The following CACNA2D3 variants were observed in gnomAD, a reference collection of about 807,000 sequenced individuals.
CACNA2D3 encodes voltage-dependent calcium channel subunit alpha-2/delta-3.
A neutral mutation model predicts 160.6 loss-of-function variants in CACNA2D3; 60 were observed. The observed-to-expected ratio is 0.37, with a 90% CI of 0.30 to 0.46. The LOEUF is 0.46. Ranked by LOEUF, CACNA2D3 falls within the 20% of genes least tolerant of loss-of-function variation. CACNA2D3 has a pLI of 1.00. For synonymous variants in CACNA2D3, 558 were observed against 492.9 expected, an observed-to-expected ratio of 1.13 and a Z score of -1.75; for missense variants, 1,205 against 1,365.0, an observed-to-expected ratio of 0.88 and a Z score of 1.85.
chr3:55,035,293 C>T (rs1703788940), intron 35 of CACNA2D3, among the ~76,000 whole-genome samples: 1 of 152,068 alleles, frequency 6.6e-6, no homozygotes, highest in African/African-American at 2.4e-5. Context: ...AGCAGGGTGC[C>T]GAGTTAATTA....
rs181442119 is a variant in CACNA2D3 at position 54,516,058 on chromosome 3, G to A, written c.544+12404G>A. ...ACATCCTGGAGCCTGACATGCATCA[G>A]GGACATGTGTCATTGGGGGTTTGGG... On this transcript the variant is annotated intron_variant, in intron 5 of 37. Coordinates refer to ENST00000474759, the MANE Select transcript of CACNA2D3 (RefSeq NM_018398.3). Among the ~76,000 whole-genome samples the A allele has an allele frequency of 1.2e-4, 19 of 152,332 alleles. 1 individual carries two copies. In the East Asian group the frequency reaches 3.7e-3, roughly 29 times the overall value.
intron 2 of CACNA2D3, among the ~76,000 whole-genome samples, chr3:54,143,073 C>G (rs941329174): frequency 3.3e-5 from 5 of 152,182 alleles, no homozygotes; most frequent in Non-Finnish European, 7.3e-5. Context: ...GAATTTGTTC[C>G]CATCACAGGA....
At chr3:54,901,176 G>A (rs1256081441) in intron 27 of CACNA2D3, 3 of 152,212 alleles carry the variant, frequency 2.0e-5, no homozygotes, top group Non-Finnish European at 4.4e-5. Flanking sequence ...CTGGTCCAGC[G>A]AGCTAATTCT....
At chr3:54,945,775 G>T (rs1304190676) in intron 27 of CACNA2D3, among the ~76,000 whole-genome samples, 3 of 152,168 alleles carry the variant, frequency 2.0e-5, no homozygotes, top group Non-Finnish European at 2.9e-5. Flanking sequence ...CTGGGCCATT[G>T]TATGTTGGGA....
chr3:54,529,701 A>G (rs1035944871), intron 5 of CACNA2D3, among the ~76,000 whole-genome samples: 1 of 152,086 alleles, frequency 6.6e-6, no homozygotes, highest in African/African-American at 2.4e-5. Flanking sequence ...TGAATTTGGT[A>G]AATTTTGAGC....
intron 5 of CACNA2D3, among the ~76,000 whole-genome samples, chr3:54,525,781 CT>C (rs961251165): frequency 1.5e-4 from 22 of 147,202 alleles, no homozygotes; most frequent in Admixed American, 3.4e-4. Flanking sequence ...TGGCCTTCAG[CT>C]TTTTTTTTTC....
chr3:54,839,186 A>C (rs371586447), intron 16 of CACNA2D3, among the ~76,000 whole-genome samples: 22 of 152,246 alleles, frequency 1.4e-4, no homozygotes, highest in African/African-American at 5.1e-4. Context: ...TGAACCTAGG[A>C]GGCGGAGCTT....
chr3:55,054,218 G>A (rs891441504), intron 35 of CACNA2D3, among the ~76,000 whole-genome samples: 9 of 151,742 alleles, frequency 5.9e-5, no homozygotes, highest in African/African-American at 2.2e-4. Flanking sequence ...TATTTCTTCA[G>A]TGTATTTTTT....
At chr3:54,738,818 A>G (rs1459538351) in intron 11 of CACNA2D3, among the ~76,000 whole-genome samples, 1 of 152,182 alleles carries the variant, frequency 6.6e-6, no homozygotes, top group Non-Finnish European at 1.5e-5. Context: ...CACTTATTGT[A>G]TGACCAGTAC....
intron 2 of CACNA2D3, among the ~76,000 whole-genome samples, chr3:54,174,556 G>A (rs1392910958): frequency 1.3e-5 from 2 of 151,214 alleles, no homozygotes; most frequent in Non-Finnish European, 2.9e-5. Context: ...ACAGAATCTC[G>A]CTCTGTCGCC....
At chr3:54,807,705 T>G (rs28854776) in intron 13 of CACNA2D3, among the ~76,000 whole-genome samples, 2,839 of 151,546 alleles carry the variant, frequency 0.019, 91 homozygotes, top group African/African-American at 0.065. Flanking sequence ...CCATTACTGG[T>G]TATATACCCA....
chr3:54,251,493 A>G (rs887866263), intron 2 of CACNA2D3, among the ~76,000 whole-genome samples: 1 of 152,190 alleles, frequency 6.6e-6, no homozygotes, highest in Non-Finnish European at 1.5e-5. Context: ...TGGAAACATT[A>G]TTACTCTCAT....
chr3:54,220,927 C>T (rs1478252326), intron 2 of CACNA2D3, among the ~76,000 whole-genome samples: 1 of 152,160 alleles, frequency 6.6e-6, no homozygotes, highest in South Asian at 2.1e-4. Context: ...CTAGGCTCAT[C>T]TAAGATGCTG....
rs1702727344 is a variant in CACNA2D3 at position 54,790,279 on chromosome 3, T to C, written c.1380+25928T>C. Reference sequence around the variant, plus strand: ...TGTCAGGGTAACTGGTGCGGTGTCCTCTCCTAGGGACCTGCCTTCTCCCCT... The same window carrying C: ...TGTCAGGGTAACTGGTGCGGTGTCCCCTCCTAGGGACCTGCCTTCTCCCCT... On this transcript the variant is annotated intron_variant, in intron 13 of 37. Transcript: ENST00000474759. Among the ~76,000 whole-genome samples, 3 of 152,282 alleles carry C rather than the reference T, an allele frequency of 2.0e-5. 1 individual carries two copies. In the South Asian group the frequency reaches 6.2e-4, roughly 32 times the overall value.
intron 5 of CACNA2D3, among the ~76,000 whole-genome samples, chr3:54,555,036 A>G (rs1356148039): frequency 1.3e-5 from 2 of 151,538 alleles, no homozygotes; most frequent in East Asian, 1.9e-4. Flanking sequence ...CACCCCGCCT[A>G]TCTACTGTTT....
chr3:54,137,069 C>G (rs1326281722), intron 2 of CACNA2D3, among the ~76,000 whole-genome samples: 1 of 152,154 alleles, frequency 6.6e-6, no homozygotes. Context: ...GATTTTTTTA[C>G]AAATCCGTGT....
intron 4 of CACNA2D3, among the ~76,000 whole-genome samples, chr3:54,502,014 C>T (rs1701302671): frequency 6.6e-6 from 1 of 152,146 alleles, no homozygotes; most frequent in African/African-American, 2.4e-5. Flanking sequence ...TCCCTGTTCC[C>T]CTACAGGTAA....
chr3:54,365,843 C>G (rs1698819396), intron 3 of CACNA2D3, among the ~76,000 whole-genome samples: 1 of 152,144 alleles, frequency 6.6e-6, no homozygotes, highest in Admixed American at 6.5e-5. Context: ...AGCCTGGTGA[C>G]AGAGCGAGAC....
chr3:54,820,144 C>T (rs1383910071), intron 14 of CACNA2D3, among the ~76,000 whole-genome samples: 4 of 152,108 alleles, frequency 2.6e-5, no homozygotes, highest in East Asian at 3.9e-4. Flanking sequence ...TGAGCGCATA[C>T]GTTGTACCAT....
Sources: allele counts gnomAD v4.1 joint callset (sites outside exome capture counted in the v4.1 genomes callset), GRCh38; gene constraint gnomAD v4.1.1; transcripts MANE v1.5; gene names NCBI Gene and HGNC (gene_info 2026-07-23, HGNC 2026-07-21).